Variants in SYT9 observed in about 807,000 individuals in gnomAD.
SYT9 encodes the protein synaptotagmin 9.
Under a neutral mutation model 48.4 loss-of-function variants are expected in SYT9, and 22 were observed. That is an observed-to-expected ratio of 0.45 (90% CI 0.32 to 0.65). SYT9 has a LOEUF of 0.65. SYT9 is among the 30% of genes least tolerant of loss of function. SYT9 has a pLI of 0.03. For missense variants in SYT9, 577 were observed against 622.0 expected (o/e 0.93, Z 0.77); for synonymous variants, 265 against 245.0 (o/e 1.08, Z -0.76).
intron 1 of SYT9, among the ~76,000 whole-genome samples, chr11:7,286,864 A>T (rs904540058): frequency 2.0e-5 from 3 of 152,166 alleles, no homozygotes; most frequent in Admixed American, 2.0e-4. Flanking sequence ...CCACATCACT[A>T]TCAGCATTTT....
Position 7,368,936 on chromosome 11 carries a change from C to T in SYT9, c.1045-47106C>T, listed in dbSNP as rs559841194. ...TTTGCCATGGTGAATAGTGCTGCAA[C>T]AAACATATGTGTGCATGTGTCTTTC... On this transcript the variant is annotated intron_variant, in intron 3 of 6. Transcript: ENST00000318881. Among the ~76,000 whole-genome samples the T allele has an allele frequency of 1.4e-4, 22 of 152,176 alleles. No individual in the cohort carries two copies. The Middle Eastern group carries it at 0.017, about 118-fold the overall frequency.
At chr11:7,258,646 C>T (rs1848021730) in intron 1 of SYT9, among the ~76,000 whole-genome samples, 1 of 152,034 alleles carries the variant, frequency 6.6e-6, no homozygotes, top group Non-Finnish European at 1.5e-5. Context: ...CACTTACTAC[C>T]TTAGTGACCT....
intron 6 of SYT9, among the ~76,000 whole-genome samples, chr11:7,458,125 A>C (rs1369677880): frequency 6.6e-6 from 1 of 152,258 alleles, no homozygotes; most frequent in Non-Finnish European, 1.5e-5. Context: ...TCTTTGCTCT[A>C]GTGAAACTTG....
chr11:7,454,418 C>T (rs563048500), intron 6 of SYT9: 1 of 540,576 alleles, frequency 1.8e-6, no homozygotes, highest in East Asian at 1.5e-4. Flanking sequence ...CCTGCCCTAT[C>T]CCCACATCCT....
chr11:7,256,691 G>A (rs746866076), intron 1 of SYT9, among the ~76,000 whole-genome samples: 1 of 152,150 alleles, frequency 6.6e-6, no homozygotes, highest in Non-Finnish European at 1.5e-5. Context: ...ATTCTATGTA[G>A]TTGTAAAGAT....
intron 1 of SYT9, among the ~76,000 whole-genome samples, chr11:7,240,638 A>T (rs1467016093): frequency 6.6e-5 from 10 of 152,224 alleles, no homozygotes. Flanking sequence ...CACAAATAAC[A>T]TTATATTGCT....
chr11:7,418,074 C>G lies in SYT9; in HGVS notation c.1283C>G (p.Pro428Arg), dbSNP rs781707436. The G allele has an allele frequency of 4.3e-6, 7 of 1,614,014 alleles. No homozygotes were observed. The highest frequency in any genetic ancestry group is 2.2e-5 in the East Asian group (1 of 44,896). ...VYNEAIVFDV[P>R]PENIDQIHLS... is the part of the protein sequence containing the mutation. ...AACGAAGCCATAGTCTTTGATGTCC[C>G]TCCCGAGAACATTGACCAAATCCAC... Residue 428 changes from proline (P) to arginine (R), a missense_variant, in exon 5 of 7, where the codon CCT (proline) becomes CGT (arginine). Pro to Arg is a moderately radical substitution (Grantham distance 103, BLOSUM62 -2). Coordinates refer to ENST00000318881, the MANE Select transcript of SYT9 (RefSeq NM_175733.4).
At chr11:7,412,440 G>A (rs763752384) in intron 3 of SYT9, among the ~76,000 whole-genome samples, 1 of 152,182 alleles carries the variant, frequency 6.6e-6, no homozygotes, top group East Asian at 1.9e-4. Context: ...GATCTCCTTG[G>A]CTATAAATAG....
rs527896033 is a variant in SYT9, at chr11:7,389,649, A to G, written c.1045-26393A>G. 6.6e-5 allele frequency among the ~76,000 whole-genome samples: 10 copies of G among 152,314 alleles called. No individual in the cohort carries two copies. The South Asian group carries it at 2.1e-3, about 32-fold the overall frequency. On this transcript the variant is annotated intron_variant, in intron 3 of 6. Transcript: ENST00000318881. ...AAGACAAGGTACAAAATAAAAATATATATCAACTCATCACTGAATAAAAAG... is the reference window on the plus strand; with the variant it reads ...AAGACAAGGTACAAAATAAAAATATGTATCAACTCATCACTGAATAAAAAG...
intron 6 of SYT9, among the ~76,000 whole-genome samples, chr11:7,421,927 G>C (rs1385839463): frequency 6.6e-6 from 1 of 152,224 alleles, no homozygotes; most frequent in East Asian, 1.9e-4. Flanking sequence ...AGGAGATTGT[G>C]AAGCATCTCT....
chr11:7,252,809 A>T lies in SYT9; in HGVS notation c.145+478A>T, dbSNP rs1847898603. ...TGCTCATCCTTTCTCCCAAGCGTCT[A>T]GTTCCTTTCCTTGGTATGGGGTGAG... is the stretch of plus-strand genomic sequence containing the variant. On this transcript the variant is annotated intron_variant, in intron 1 of 6. Coordinates refer to ENST00000318881, the MANE Select transcript of SYT9 (RefSeq NM_175733.4). The surrounding 1 kb of genome is among the most constrained non-coding windows in gnomAD (Gnocchi z 6.3). 6.6e-6 allele frequency among the ~76,000 whole-genome samples: 1 copy of T among 152,214 alleles called. No homozygotes were observed. Among genetic ancestry groups the T allele is most frequent in the Admixed American group, 6.5e-5 (1 of 15,294 alleles).
At chr11:7,440,284 TA>T in intron 6 of SYT9, 2 of 152,164 alleles carry the variant, frequency 1.3e-5, no homozygotes, top group Non-Finnish European at 2.9e-5. Context: ...AAGCTGGAAT[TA>T]GCAAAATAAC....
At chr11:7,293,541 C>T (rs75357835) in intron 1 of SYT9, among the ~76,000 whole-genome samples, 6,353 of 152,286 alleles carry the variant, frequency 0.042, 175 homozygotes, top group East Asian at 0.1. Context: ...TTAATTAGTA[C>T]TCACTGACTT....
At chr11:7,249,008 G>C (rs4281468), upstream of SYT9, among the ~76,000 whole-genome samples, 2,332 of 152,242 alleles carry the variant, frequency 0.015, 54 homozygotes, top group African/African-American at 0.054. Context: ...GAACAGAATA[G>C]AGAACCCAGA....
intron 1 of SYT9, among the ~76,000 whole-genome samples, chr11:7,267,861 A>T (rs1452125199): frequency 6.6e-6 from 1 of 151,970 alleles, no homozygotes; most frequent in Non-Finnish European, 1.5e-5. Flanking sequence ...CAAGGAAAAA[A>T]TGAGAAAACA....
At chr11:7,342,479 C>A (rs930034890) in intron 3 of SYT9, among the ~76,000 whole-genome samples, 1 of 152,196 alleles carries the variant, frequency 6.6e-6, no homozygotes, top group Non-Finnish European at 1.5e-5. Context: ...CTTAAAGCTC[C>A]AATATGATAT....
chr11:7,290,248 T>C (rs1029861542), intron 1 of SYT9, among the ~76,000 whole-genome samples: 1 of 152,212 alleles, frequency 6.6e-6, no homozygotes, highest in East Asian at 1.9e-4. Context: ...AGAGACTCTT[T>C]TAAAGTTAAT....
intron 1 of SYT9, among the ~76,000 whole-genome samples, chr11:7,257,482 G>A (rs1847995475): frequency 6.6e-6 from 1 of 151,964 alleles, no homozygotes; most frequent in South Asian, 2.1e-4. Flanking sequence ...AAATTATAAT[G>A]AAGTCACTTA....
At chr11:7,455,606 C>A (rs551412995) in intron 6 of SYT9, among the ~76,000 whole-genome samples, 1 of 151,936 alleles carries the variant, frequency 6.6e-6, no homozygotes, top group Non-Finnish European at 1.5e-5. Context: ...TCCCAAAGTT[C>A]TGGGATTTAG....
Sources: gnomAD v4.1 joint callset for allele counts (sites outside exome capture counted in the v4.1 genomes callset) on GRCh38, gnomAD v4.1.1 for gene constraint, Gnocchi (gnomAD v3.1) non-coding constraint, MANE v1.5 for transcripts, NCBI Gene and HGNC (gene_info 2026-07-23, HGNC 2026-07-21) for gene names.